Variants in GALNT17 observed in about 807,000 individuals in gnomAD.
GALNT17 encodes UDP-GalNAc:polypeptide N-acetylgalactosaminyltransferase-like 3.
Under a neutral mutation model 63.7 loss-of-function variants are expected in GALNT17, and 29 were observed. That is an observed-to-expected ratio of 0.46 (90% CI 0.34 to 0.62). GALNT17 has a LOEUF of 0.62. Among genes scored for constraint, GALNT17 ranks in the 20% least tolerant of loss-of-function variants. The probability of loss-of-function intolerance (pLI) is 0.01; values close to 1 mark genes in which losing one functional copy is unlikely to be tolerated. For missense variants in GALNT17, 603 were observed against 799.6 expected, an observed-to-expected ratio of 0.75 and a Z score of 2.97; for synonymous variants, 305 against 318.3, an observed-to-expected ratio of 0.96 and a Z score of 0.45.
intron 5 of GALNT17, among the ~76,000 whole-genome samples, chr7:71,530,535 A>AGAAT (rs1329670188): frequency 7.0e-6 from 1 of 142,758 alleles, no homozygotes; most frequent in Non-Finnish European, 1.5e-5. Context: ...GAGAGGTACA[A>AGAAT]GAATTTATTT....
rs559028521 is a variant in GALNT17, at chr7:71,596,925, C to T, written c.1080+25523C>T. On this transcript the variant is annotated intron_variant, in intron 6 of 10. Coordinates refer to ENST00000333538, the MANE Select transcript of GALNT17 (RefSeq NM_022479.3). ...CAGAGGGGCCAGGCACAGTGGTTCA[C>T]ACCTCTAATTCCAGTGCTGTGGGAG... is the stretch of plus-strand genomic sequence containing the variant. Among the ~76,000 whole-genome samples the T allele has an allele frequency of 9.5e-4, 145 of 152,158 alleles. 1 individual carries two copies. Among genetic ancestry groups the T allele is most frequent in the African/African-American group, 3.4e-3 (140 of 41,448 alleles).
chr7:71,379,511 TCAGGAGGTAAC>T (rs1252219383), intron 2 of GALNT17, among the ~76,000 whole-genome samples: 1 of 152,008 alleles, frequency 6.6e-6, no homozygotes, highest in East Asian at 1.9e-4. Context: ...TTGGTGTCAT[TCAGGAGGTAAC>T]CAGTGAGGAC....
At chr7:71,296,037 T>A (rs2115847545) in intron 1 of GALNT17, among the ~76,000 whole-genome samples, 1 of 152,314 alleles carries the variant, frequency 6.6e-6, no homozygotes, top group East Asian at 1.9e-4. Context: ...TTATATGAGT[T>A]GTTTTAAGTA....
intron 2 of GALNT17, among the ~76,000 whole-genome samples, chr7:71,344,160 T>C (rs1792051929): frequency 1.3e-5 from 2 of 151,972 alleles, no homozygotes; most frequent in Non-Finnish European, 2.9e-5. Context: ...AGGCAGAAGG[T>C]GACCTTGATC....
At chr7:71,159,405 A>G (rs1788298791) in intron 1 of GALNT17, among the ~76,000 whole-genome samples, 2 of 151,488 alleles carry the variant, frequency 1.3e-5, no homozygotes, top group Admixed American at 6.6e-5. Flanking sequence ...TTCTTTTCCC[A>G]AATCTTGCCC....
intron 5 of GALNT17, among the ~76,000 whole-genome samples, chr7:71,484,092 A>C (rs1003097568): frequency 6.6e-6 from 1 of 152,200 alleles, no homozygotes; most frequent in Non-Finnish European, 1.5e-5. Context: ...GCTGTTTTAC[A>C]GTTACTTTTT....
intron 2 of GALNT17, among the ~76,000 whole-genome samples, chr7:71,369,619 C>T (rs1792579709): frequency 1.3e-5 from 2 of 151,892 alleles, no homozygotes; most frequent in Non-Finnish European, 2.9e-5. Context: ...TCGAGACCAG[C>T]CTGGCCAATA....
chr7:71,374,987 A>G (rs1369584386), intron 2 of GALNT17, among the ~76,000 whole-genome samples: 1 of 151,746 alleles, frequency 6.6e-6, no homozygotes, highest in Non-Finnish European at 1.5e-5. Flanking sequence ...TTACAGGCGC[A>G]CACCACCATG....
intron 9 of GALNT17, among the ~76,000 whole-genome samples, chr7:71,687,601 C>A (rs1791381089): frequency 6.6e-6 from 1 of 152,148 alleles, no homozygotes; most frequent in African/African-American, 2.4e-5. Flanking sequence ...TGATAAGAAG[C>A]AAACTTGATC....
intron 3 of GALNT17, among the ~76,000 whole-genome samples, chr7:71,397,944 G>A (rs2960878): frequency 8.3e-4 from 7 of 8,456 alleles, no homozygotes; most frequent in African/African-American, 2.9e-3. Context: ...TATTGTCTTT[G>A]TTGTTGTTGT....
chr7:71,550,164 G>A (rs1316717289), intron 5 of GALNT17, among the ~76,000 whole-genome samples: 1 of 151,804 alleles, frequency 6.6e-6, no homozygotes, highest in Non-Finnish European at 1.5e-5. Context: ...CATTGTAAAG[G>A]CATGGGAAAA....
intron 1 of GALNT17, among the ~76,000 whole-genome samples, chr7:71,223,791 C>T (rs1443390321): frequency 1.3e-5 from 2 of 152,132 alleles, no homozygotes; most frequent in Admixed American, 1.3e-4. Context: ...TAACCTCCCA[C>T]TTATTAGTGA....
chr7:71,370,917 T>G (rs1368860479), intron 2 of GALNT17, among the ~76,000 whole-genome samples: 1 of 152,206 alleles, frequency 6.6e-6, no homozygotes, highest in Non-Finnish European at 1.5e-5. Context: ...GACTTTATGT[T>G]TCTTATACAA....
intron 1 of GALNT17, among the ~76,000 whole-genome samples, chr7:71,254,386 C>T (rs1790253781): frequency 6.6e-6 from 1 of 152,164 alleles, no homozygotes; most frequent in African/African-American, 2.4e-5. Context: ...GGATTCTCTA[C>T]AGAATGTAGA....
chr7:71,514,154 T>G (rs1367634325), intron 5 of GALNT17, among the ~76,000 whole-genome samples: 4 of 152,098 alleles, frequency 2.6e-5, no homozygotes, highest in Non-Finnish European at 5.9e-5. Flanking sequence ...ATGATCATGC[T>G]ACCACACTCC....
intron 1 of GALNT17, among the ~76,000 whole-genome samples, chr7:71,158,813 G>C (rs2116242263): frequency 6.6e-6 from 1 of 151,818 alleles, no homozygotes; most frequent in East Asian, 1.9e-4. Flanking sequence ...CTGACCTCGT[G>C]GTCCACCCAC....
intron 1 of GALNT17, among the ~76,000 whole-genome samples, chr7:71,165,830 G>T (rs1321181846): frequency 6.6e-6 from 1 of 152,196 alleles, no homozygotes; most frequent in African/African-American, 2.4e-5. Context: ...GGTCAAGCTA[G>T]TTCCTTAGGT....
chr7:71,260,760 A>AATTTTT (rs1285603922), intron 1 of GALNT17, among the ~76,000 whole-genome samples: 10 of 151,672 alleles, frequency 6.6e-5, no homozygotes, highest in African/African-American at 2.2e-4. Flanking sequence ...ACATCCTGAT[A>AATTTTT]ATTTTTATTT....
intron 5 of GALNT17, among the ~76,000 whole-genome samples, chr7:71,526,267 A>G (rs897448547): frequency 2.0e-5 from 3 of 152,212 alleles, no homozygotes; most frequent in African/African-American, 4.8e-5. Context: ...TAGAAACAGT[A>G]CCTAGGCTAT....
Sources: gnomAD v4.1 joint callset for allele counts (sites outside exome capture counted in the v4.1 genomes callset) on GRCh38, gnomAD v4.1.1 for gene constraint, MANE v1.5 for transcripts, NCBI Gene and HGNC (gene_info 2026-07-23, HGNC 2026-07-21) for gene names.